The following BLOC1S2 variants were observed in gnomAD, a reference collection of about 807,000 sequenced individuals.
BLOC1S2 encodes the protein biogenesis of lysosome-related organelles complex 1 subunit 2.
Under a neutral mutation model 19.6 loss-of-function variants are expected in BLOC1S2, and 12 were observed. The ratio of observed to expected loss-of-function variants is 0.61; its 90% confidence interval spans 0.39 to 0.99. BLOC1S2 has a LOEUF of 0.99. Ranked by LOEUF, BLOC1S2 falls within the 50% of genes least tolerant of loss-of-function variation. The pLI, the probability that BLOC1S2 is intolerant of heterozygous loss-of-function variation, is 0.00. For missense variants in BLOC1S2, 142 were observed against 171.0 expected, an observed-to-expected ratio of 0.83 and a Z score of 0.95; for synonymous variants, 66 against 64.1, an observed-to-expected ratio of 1.03 and a Z score of -0.14.
rs1278714673 is a variant in BLOC1S2 at position 100,281,052 on chromosome 10, G to A, written c.174C>T (p.Ala58=). ...MATYLTGELT[A]TSEDYKLLEN... ...CCAGGAGCTTATAGTCTTCACTGGTGGCTTGAAAATTAAACAGAAGATGTA... is the reference window on the plus strand; with the variant it reads ...CCAGGAGCTTATAGTCTTCACTGGTAGCTTGAAAATTAAACAGAAGATGTA... Residue 58 remains alanine (A), a splice_region_variant and synonymous_variant, in exon 3 of 5, where the codon GCC becomes GCT. Coordinates refer to ENST00000370372, the MANE Select transcript of BLOC1S2 (RefSeq NM_173809.5). The A allele has an allele frequency of 1.9e-6, 3 of 1,612,004 alleles. No individual in the cohort carries two copies. The Middle Eastern group carries it at 5.1e-4, about 276-fold the overall frequency.
intron 2 of BLOC1S2, among the ~76,000 whole-genome samples, chr10:100,284,801 AAATAAT>A (rs747849762): frequency 1.3e-5 from 2 of 151,516 alleles, no homozygotes; most frequent in South Asian, 2.1e-4. Flanking sequence ...ATATTTTTTT[AAATAAT>A]AATAATAATA....
chr10:100,277,874 A>C (rs1589648031), intron 4 of BLOC1S2, among the ~76,000 whole-genome samples: 24 of 108,716 alleles, frequency 2.2e-4, no homozygotes, highest in East Asian at 2.9e-4. Context: ...CCCGTCCGGG[A>C]GGGAGGTGGG....
chr10:100,286,440 C>G, intron 1 of BLOC1S2, 165 bp downstream of exon 1: 1 of 1,474,890 alleles, frequency 6.8e-7, no homozygotes, highest in East Asian at 2.5e-5. Context: ...CATCCTGGCA[C>G]CATCCCAGTC....
At chr10:100,279,970 G>T in intron 4 of BLOC1S2, 154 bp downstream of exon 4, 1 of 435,286 alleles carries the variant, frequency 2.3e-6, no homozygotes, top group Non-Finnish European at 4.0e-6. Context: ...ATCAGGAAAT[G>T]TTATTTTTAT....
intron 4 of BLOC1S2, 90 bp downstream of exon 4, chr10:100,280,034 C>T (rs1355575924): frequency 1.1e-6 from 1 of 907,680 alleles, no homozygotes; most frequent in Non-Finnish European, 1.7e-6. Context: ...TCACTGTAGG[C>T]ACACCATAAA....
chr10:100,282,013 T>A (rs1177264506), intron 2 of BLOC1S2, among the ~76,000 whole-genome samples: 1 of 152,180 alleles, frequency 6.6e-6, no homozygotes, highest in Non-Finnish European at 1.5e-5. Context: ...TGGATCTTAA[T>A]ATCTTCCCAA....
Position 100,275,310 on chromosome 10 carries a change from T to C in BLOC1S2, c.*152A>G. ...GAAGGTTCAGGAATAGCCACAGTCC[T>C]CCAGTTTACTCGAACGTTGAGATGT... On this transcript the variant is annotated 3_prime_UTR_variant, in exon 5 of 5. Transcript: ENST00000370372. 1.4e-6 allele frequency: 1 copy of C among 719,054 alleles called. No individual in the cohort carries two copies. Among genetic ancestry groups the C allele is most frequent in the Non-Finnish European group, 2.3e-6 (1 of 435,326 alleles). The allele number at this position is 719,054 out of a possible 1,614,324, so 44.5% of individuals were successfully genotyped here.
chr10:100,276,349 G>GTCTCCCTCTCCCGTCTCCCTCTCCC (rs1847855196), intron 4 of BLOC1S2, among the ~76,000 whole-genome samples: 2 of 39,732 alleles, frequency 5.0e-5, no homozygotes, highest in African/African-American at 3.3e-4. Context: ...TCCCTCTCCC[G>GTCTCCCTCTCCCGTCTCCCTCTCCC]TCTCCCTCTC....
chr10:100,285,064 C>G (rs941925790), intron 2 of BLOC1S2, among the ~76,000 whole-genome samples: 2 of 140,988 alleles, frequency 1.4e-5, no homozygotes, highest in African/African-American at 5.4e-5. Context: ...GAGACCCTGT[C>G]TCTTAAAAAC....
rs1266491669 is a variant in BLOC1S2 at position 100,276,374 on chromosome 10, CG to C, written c.398-882del. ...GTCTCCCTCTCCCGTCTCCCTCTCC[CG>C]TCTCCCTCTCCCGTCTCCCTCTCCC... On this transcript the variant is annotated intron_variant, in intron 4 of 4. Coordinates refer to ENST00000370372, the MANE Select transcript of BLOC1S2 (RefSeq NM_173809.5). Among the ~76,000 whole-genome samples, 170 of 42,974 alleles carry C rather than the reference CG, an allele frequency of 4.0e-3. 1 individual carries two copies. Among genetic ancestry groups the C allele is most frequent in the African/African-American group, 0.01 (77 of 7,614 alleles). 28.2% of individuals were successfully genotyped at this position (42,974 alleles called of 152,430 possible).
chr10:100,285,042 A>T (rs1348105725), intron 2 of BLOC1S2, among the ~76,000 whole-genome samples: 2 of 151,742 alleles, frequency 1.3e-5, no homozygotes, highest in Non-Finnish European at 1.5e-5. Context: ...AGACCAGCCC[A>T]GGCAACATAG....
At chr10:100,285,887 T>C (rs185657920) in intron 2 of BLOC1S2, among the ~76,000 whole-genome samples, 7 of 152,342 alleles carry the variant, frequency 4.6e-5, no homozygotes, top group African/African-American at 1.7e-4. Flanking sequence ...GGATATGAAC[T>C]CTTTTTTGTT....
intron 1 of BLOC1S2, 127 bp from the exon 2 acceptor site, chr10:100,286,340 A>T: frequency 1.4e-6 from 2 of 1,474,374 alleles, no homozygotes; most frequent in Non-Finnish European, 1.8e-6. Flanking sequence ...CATCTGCCAT[A>T]ATTTCAAGTC....
At position 100,274,863 on chromosome 10, in the gene BLOC1S2, C is replaced by T. The variant is rs1486188702; in HGVS notation, c.*599G>A. 1 of 397,822 alleles carries T rather than the reference C, an allele frequency of 2.5e-6. No homozygotes were observed. Among genetic ancestry groups the T allele is most frequent in the African/African-American group, 2.1e-5 (1 of 48,594 alleles). The allele number at this position is 397,822 out of a possible 1,614,324, so 24.6% of individuals were successfully genotyped here. On this transcript the variant is annotated 3_prime_UTR_variant, in exon 5 of 5. Coordinates refer to ENST00000370372, the MANE Select transcript of BLOC1S2 (RefSeq NM_173809.5). ...AAACAAGAGGGGCCCATCACATACG[C>T]CAAGTTATCAATACTCCTTTCACCA... is the stretch of plus-strand genomic sequence containing the variant.
At chr10:100,277,331 T>TG (rs1307735255) in intron 4 of BLOC1S2, among the ~76,000 whole-genome samples, 2 of 141,950 alleles carry the variant, frequency 1.4e-5, no homozygotes, top group Non-Finnish European at 3.1e-5. Flanking sequence ...GGGAGGGAGG[T>TG]GGGGGTCAGC....
chr10:100,280,265 TTTA>T (rs2134359760), intron 3 of BLOC1S2, 37 bp from the exon 4 acceptor site: 21 of 1,521,574 alleles, frequency 1.4e-5, no homozygotes, highest in Non-Finnish European at 1.9e-5. Context: ...TTTATATGGC[TTTA>T]TTAACAAAGA....
intron 4 of BLOC1S2, among the ~76,000 whole-genome samples, chr10:100,279,103 CAAAA>C (rs1848031932): frequency 6.7e-6 from 1 of 150,086 alleles, no homozygotes; most frequent in Non-Finnish European, 1.5e-5. Flanking sequence ...AAAAAAAAAA[CAAAA>C]CAACAACAAC....
intron 4 of BLOC1S2, among the ~76,000 whole-genome samples, chr10:100,276,357 C>T (rs1451831186): frequency 9.2e-6 from 1 of 108,678 alleles, no homozygotes; most frequent in African/African-American, 5.3e-5. Context: ...CCGTCTCCCT[C>T]TCCCGTCTCC....
At chr10:100,284,047 C>CA (rs1848175586) in intron 2 of BLOC1S2, among the ~76,000 whole-genome samples, 2 of 152,190 alleles carry the variant, frequency 1.3e-5, no homozygotes, top group Non-Finnish European at 2.9e-5. Flanking sequence ...ATCCTCTTAG[C>CA]CCATCATTTA....
Sources: allele counts gnomAD v4.1 joint callset (sites outside exome capture counted in the v4.1 genomes callset), GRCh38; gene constraint gnomAD v4.1.1; transcripts MANE v1.5; gene names NCBI Gene and HGNC (gene_info 2026-07-23, HGNC 2026-07-21).